The following CCBE1 variants were observed in gnomAD, a reference collection of about 807,000 sequenced individuals.
The protein encoded by CCBE1 is collagen and calcium-binding EGF domain-containing protein 1.
Under a neutral mutation model 50.0 loss-of-function variants are expected in CCBE1, and 37 were observed. The ratio of observed to expected loss-of-function variants is 0.74; its 90% confidence interval spans 0.57 to 0.97. The LOEUF (loss-of-function observed/expected upper bound fraction) is 0.97, where lower values mean the gene tolerates loss of function less well. CCBE1 is among the 50% of genes least tolerant of loss of function. The pLI is 0.00. For missense variants in CCBE1, 538 were observed against 523.8 expected (o/e 1.03, Z -0.26); for synonymous variants, 234 against 203.7 (o/e 1.15, Z -1.27).
intron 2 of CCBE1, among the ~76,000 whole-genome samples, chr18:59,506,743 G>C (rs1261520584): frequency 6.6e-6 from 1 of 152,360 alleles, no homozygotes; most frequent in Middle Eastern, 3.4e-3. Context: ...TCCTGGGGTG[G>C]AGAGGAGCAG....
At position 59,597,576 on chromosome 18, in the gene CCBE1, T is replaced by TAGC. The variant is rs1251190387; in HGVS notation, c.212+99052_212+99053insGCT. 2.1e-3 allele frequency among the ~76,000 whole-genome samples: 321 copies of TAGC among 152,064 alleles called. 2 individuals are homozygous for TAGC. The highest frequency in any genetic ancestry group is 4.5e-3 in the Admixed American group (69 of 15,262). ...ACTACAAAAAAAGTAGTAGTAGTAGTAGAAGAAAGGTGAGTTGGTTAATGA... is the reference window on the plus strand; with the variant it reads ...ACTACAAAAAAAGTAGTAGTAGTAGTAGCAGAAGAAAGGTGAGTTGGTTAATGA... On this transcript the variant is annotated intron_variant, in intron 2 of 10. Transcript: ENST00000439986.
chr18:59,495,599 G>A (rs1913316973), intron 2 of CCBE1, among the ~76,000 whole-genome samples: 1 of 151,522 alleles, frequency 6.6e-6, no homozygotes, highest in African/African-American at 2.4e-5. Flanking sequence ...GCCATCCCTG[G>A]GTGCTTGCCT....
At chr18:59,484,309 CCCA>C (rs1171992143) in intron 2 of CCBE1, among the ~76,000 whole-genome samples, 8 of 152,132 alleles carry the variant, frequency 5.3e-5, no homozygotes, top group Non-Finnish European at 8.8e-5. Context: ...GGGGGAAAAA[CCCA>C]CGTGTTTTTG....
chr18:59,539,196 C>A (rs747985446), intron 2 of CCBE1, among the ~76,000 whole-genome samples: 3,350 of 147,982 alleles, frequency 0.023, 71 homozygotes, highest in South Asian at 0.055. Context: ...CACACACACA[C>A]ACACAAAAAA....
At chr18:59,522,234 G>A (rs71357639) in intron 2 of CCBE1, among the ~76,000 whole-genome samples, 17,611 of 150,666 alleles carry the variant, frequency 0.12, 1,197 homozygotes, top group Middle Eastern at 0.18. Flanking sequence ...AGTATATATC[G>A]TAAGTCCTCA....
chr18:59,545,719 G>A (rs1225174101), intron 2 of CCBE1, among the ~76,000 whole-genome samples: 2 of 152,156 alleles, frequency 1.3e-5, no homozygotes, highest in Non-Finnish European at 2.9e-5. Flanking sequence ...GAATCATGAG[G>A]GCAGTTTCTC....
chr18:59,491,939 A>G (rs1913124122), intron 2 of CCBE1, among the ~76,000 whole-genome samples: 1 of 151,976 alleles, frequency 6.6e-6, no homozygotes, highest in Non-Finnish European at 1.5e-5. Context: ...TGAGCTCAGG[A>G]GTTCGAGACC....
intron 2 of CCBE1, among the ~76,000 whole-genome samples, chr18:59,670,237 A>G (rs1381390570): frequency 6.6e-6 from 1 of 152,198 alleles, no homozygotes; most frequent in African/African-American, 2.4e-5. Flanking sequence ...ATTATAATAA[A>G]AACTTGTGGT....
chr18:59,561,661 C>T (rs1023360546), intron 2 of CCBE1, among the ~76,000 whole-genome samples: 14 of 152,254 alleles, frequency 9.2e-5, no homozygotes, highest in Non-Finnish European at 1.6e-4. Flanking sequence ...TTTGGCATGG[C>T]GGGCATGCTA....
chr18:59,633,511 A>G (rs965267796), intron 2 of CCBE1, among the ~76,000 whole-genome samples: 1 of 152,226 alleles, frequency 6.6e-6, no homozygotes, highest in African/African-American at 2.4e-5. Flanking sequence ...CATGCCGAGA[A>G]CAGAACATGG....
chr18:59,541,026 G>T (rs1036454907), intron 2 of CCBE1, among the ~76,000 whole-genome samples: 1 of 152,116 alleles, frequency 6.6e-6, no homozygotes, highest in Non-Finnish European at 1.5e-5. Context: ...TCCTTCTCAC[G>T]TGGGAACATT....
chr18:59,495,477 G>A lies in CCBE1; in HGVS notation c.213-15239C>T, dbSNP rs1193864833. Among the ~76,000 whole-genome samples the A allele has an allele frequency of 3.4e-5, 5 of 148,518 alleles. No homozygotes were observed. In the East Asian group the frequency reaches 1.0e-3, roughly 30 times the overall value. ...TTCAGGTTCAGACAGCCAGTTTGTT[G>A]GCATCCTTGACATCACTTCCCTGAC... is the stretch of plus-strand genomic sequence containing the variant. On this transcript the variant is annotated intron_variant, in intron 2 of 10. Transcript: ENST00000439986.
At chr18:59,695,379 T>C (rs550283476) in intron 2 of CCBE1, among the ~76,000 whole-genome samples, 127 of 152,286 alleles carry the variant, frequency 8.3e-4, no homozygotes, top group African/African-American at 2.9e-3. Flanking sequence ...ACCTGCCAAT[T>C]GAACATACTC....
intron 2 of CCBE1, among the ~76,000 whole-genome samples, chr18:59,536,041 A>C (rs1367382484): frequency 6.6e-6 from 1 of 152,200 alleles, no homozygotes; most frequent in East Asian, 1.9e-4. Flanking sequence ...TTTTGTTTGT[A>C]ATGTTTCATT....
chr18:59,630,509 G>A (rs985728040), intron 2 of CCBE1, among the ~76,000 whole-genome samples: 2 of 152,204 alleles, frequency 1.3e-5, no homozygotes, highest in African/African-American at 4.8e-5. Flanking sequence ...AGGATCTTCT[G>A]TTTGGGTGTG....
At chr18:59,688,042 T>C (rs992055552) in intron 2 of CCBE1, among the ~76,000 whole-genome samples, 1 of 152,246 alleles carries the variant, frequency 6.6e-6, no homozygotes, top group African/African-American at 2.4e-5. Flanking sequence ...TAGCCATACA[T>C]GGAAAAATAT....
intron 5 of CCBE1, among the ~76,000 whole-genome samples, chr18:59,462,275 T>C (rs1278809866): frequency 3.3e-5 from 5 of 152,228 alleles, no homozygotes; most frequent in African/African-American, 1.2e-4. Flanking sequence ...TGCCTGAACG[T>C]TGACCAGTTG....
intron 2 of CCBE1, among the ~76,000 whole-genome samples, chr18:59,498,461 A>G (rs930179489): frequency 1.3e-5 from 2 of 152,226 alleles, no homozygotes; most frequent in Non-Finnish European, 2.9e-5. Flanking sequence ...GATTCAGTCC[A>G]TACCATATTG....
At chr18:59,470,168 T>C (rs1911962644) in intron 3 of CCBE1, among the ~76,000 whole-genome samples, 1 of 152,156 alleles carries the variant, frequency 6.6e-6, no homozygotes, top group South Asian at 2.1e-4. Flanking sequence ...TGGCTCACAG[T>C]TCCACATAGC....
Sources: allele counts gnomAD v4.1 joint callset (sites outside exome capture counted in the v4.1 genomes callset), GRCh38; gene constraint gnomAD v4.1.1; transcripts MANE v1.5; gene names NCBI Gene and HGNC (gene_info 2026-07-23, HGNC 2026-07-21).